Variants in EIF4A3 observed in about 807,000 individuals in gnomAD.
EIF4A3 encodes eukaryotic translation initiation factor 4A3.
Under a neutral mutation model 55.6 loss-of-function variants are expected in EIF4A3, and 1 was observed. That is an observed-to-expected ratio of 0.02 (90% CI 0.01 to 0.09). The LOEUF is 0.09. Ranked by LOEUF, EIF4A3 falls within the 10% of genes least tolerant of loss-of-function variation. The probability of loss-of-function intolerance (pLI) is 1.00; values close to 1 mark genes in which losing one functional copy is unlikely to be tolerated. For missense variants in EIF4A3, 221 were observed against 540.7 expected (o/e 0.41, Z 5.86); for synonymous variants, 194 against 196.3 (o/e 0.99, Z 0.10).
At chr17:80,135,926 A>C (rs1249298423) in intron 11 of EIF4A3, 78 bp downstream of exon 11, 2 of 1,552,822 alleles carry the variant, frequency 1.3e-6, no homozygotes, top group Non-Finnish European at 1.7e-6. Flanking sequence ...ACAACAACAA[A>C]AAAACAAACT....
At position 80,134,384 on chromosome 17, in the gene EIF4A3, T is replaced by A. The variant is rs1436960161; in HGVS notation, c.*1106A>T. On this transcript the variant is annotated 3_prime_UTR_variant, in exon 12 of 12. Coordinates refer to ENST00000649764, the MANE Select transcript of EIF4A3 (RefSeq NM_014740.4). The stretch of plus-strand genomic sequence containing the variant: ...ACTTTAAATATTTCAACAGATAACT[T>A]AAATACTTTAATAATTTAAATATTT... 6.6e-6 allele frequency among the ~76,000 whole-genome samples: 1 copy of A among 152,078 alleles called. No homozygotes were observed. The highest frequency in any genetic ancestry group is 1.5e-5 in the Non-Finnish European group (1 of 68,034).
chr17:80,141,944 T>A (rs2039622229), intron 2 of EIF4A3, 96 bp from the exon 3 acceptor site: 1 of 959,946 alleles, frequency 1.0e-6, no homozygotes, highest in African/African-American at 1.6e-5. Flanking sequence ...TTAGGTACCT[T>A]CTTCCAGCAA....
At chr17:80,137,730 G>A (rs2039584756) in intron 8 of EIF4A3, 2 of 507,268 alleles carry the variant, frequency 3.9e-6, no homozygotes, top group East Asian at 7.1e-5. Flanking sequence ...CTCTATGGGG[G>A]GAGGGGGCCA....
rs563948820 is a variant in EIF4A3 at position 80,138,797 on chromosome 17, T to C, written c.728+224A>G. ...TATTGGTAGAGATACGGTCTCTATA[T>C]GTTGCCCAGCCTATTTGGTTTTTTA... On this transcript the variant is annotated intron_variant, in intron 7 of 11. Transcript: ENST00000649764. 2.5e-5 allele frequency: 14 copies of C among 568,114 alleles called. No homozygotes were observed. In the East Asian group the frequency reaches 4.5e-4, roughly 18 times the overall value. 35.2% of individuals were successfully genotyped at this position (568,114 alleles called of 1,614,324 possible).
intron 1 of EIF4A3, among the ~76,000 whole-genome samples, chr17:80,144,901 A>C (rs533522101): frequency 6.6e-6 from 1 of 152,350 alleles, no homozygotes; most frequent in South Asian, 2.1e-4. Flanking sequence ...GGCTATTTTG[A>C]AGAAGAACCA....
Position 80,135,736 on chromosome 17 carries a change from A to G in EIF4A3, c.1220-230T>C, listed in dbSNP as rs988682167. On this transcript the variant is annotated intron_variant, in intron 11 of 11. Coordinates refer to ENST00000649764, the MANE Select transcript of EIF4A3 (RefSeq NM_014740.4). Reference sequence around the variant, plus strand: ...CATGGTGAAACCCCGTCTCTACTAAAAATACAAAAATTAGCTGGCTATGGT... The same window carrying G: ...CATGGTGAAACCCCGTCTCTACTAAGAATACAAAAATTAGCTGGCTATGGT... The G allele has an allele frequency of 4.3e-5, 26 of 610,456 alleles. No homozygotes were observed. In the Middle Eastern group the frequency reaches 2.2e-3, roughly 52 times the overall value. The allele number at this position is 610,456 out of a possible 1,614,324, so 37.8% of individuals were successfully genotyped here. A position where few individuals can be genotyped will look rare whatever the true frequency, so the allele number is the denominator to read the frequency against.
chr17:80,141,257 T>C, intron 4 of EIF4A3, 62 bp downstream of exon 4: 1 of 1,511,380 alleles, frequency 6.6e-7, no homozygotes, highest in Non-Finnish European at 9.1e-7. Flanking sequence ...AGTCGGTGTT[T>C]CACAACTAAA....
chr17:80,140,273 T>C, intron 4 of EIF4A3, 133 bp from the exon 5 acceptor site: 1 of 1,148,046 alleles, frequency 8.7e-7, no homozygotes, highest in Non-Finnish European at 1.1e-6. Context: ...AACCACAAAA[T>C]TCTCCTGCTC....
Position 80,146,778 on chromosome 17 carries a change from C to G in EIF4A3, c.169+15G>C. Reference sequence around the variant, plus strand: ...ACTCGCCCCCGGCTGGCCCCCGCGGCCCGCGCCCGCTCACCGTAAGCGTAG... The same window carrying G: ...ACTCGCCCCCGGCTGGCCCCCGCGGGCCGCGCCCGCTCACCGTAAGCGTAG... On this transcript the variant is annotated intron_variant, in intron 1 of 11. Transcript: ENST00000649764. 1.2e-6 allele frequency: 2 copies of G among 1,602,154 alleles called. No individual in the cohort carries two copies. The highest frequency in any genetic ancestry group is 2.2e-5 in the South Asian group (2 of 90,882).
chr17:80,141,874 G>A (rs1311116469), intron 2 of EIF4A3, 26 bp from the exon 3 acceptor site: 1 of 1,608,588 alleles, frequency 6.2e-7, no homozygotes, highest in Non-Finnish European at 8.5e-7. Flanking sequence ...AAAGCAGTGG[G>A]ATTAGAGGGA....
At chr17:80,141,518 T>C (rs1157833199) in intron 3 of EIF4A3, 137 bp from the exon 4 acceptor site, 2 of 999,624 alleles carry the variant, frequency 2.0e-6, no homozygotes, top group African/African-American at 1.6e-5. Flanking sequence ...TTAGCAAATA[T>C]TGTCATTTAA....
In EIF4A3 at chr17:80,141,913, A is replaced by G. The variant is rs1173494202; in HGVS notation, c.243-65T>C. On this transcript the variant is annotated intron_variant, in intron 2 of 11. Transcript: ENST00000649764. ...CAGGCCACGCCACAGCTGCACTCCA[A>G]GGCCTGGGCTCCAGAGGCACTTAGG... is the stretch of plus-strand genomic sequence containing the variant. 5.0e-6 allele frequency: 7 copies of G among 1,387,620 alleles called. No individual in the cohort carries two copies. In the Admixed American group the frequency reaches 8.8e-5, roughly 18 times the overall value. 86.0% of individuals were successfully genotyped at this position (1,387,620 alleles called of 1,614,324 possible).
intron 9 of EIF4A3, 93 bp downstream of exon 9, chr17:80,137,293 G>A (rs543326018): frequency 5.6e-5 from 61 of 1,082,456 alleles, no homozygotes; most frequent in Non-Finnish European, 7.2e-5. Context: ...GCATCCCCCC[G>A]GGTGTGGGGC....
chr17:80,146,663 C>T, intron 1 of EIF4A3, 130 bp downstream of exon 1: 2 of 1,133,752 alleles, frequency 1.8e-6, no homozygotes, highest in Non-Finnish European at 2.4e-6. Flanking sequence ...ACGTCACTGG[C>T]CCCCGAGCCT....
At chr17:80,139,584 G>T in intron 6 of EIF4A3, 86 bp downstream of exon 6, 2 of 1,191,304 alleles carry the variant, frequency 1.7e-6, no homozygotes, top group Non-Finnish European at 2.4e-6. Flanking sequence ...ATTCAGAACA[G>T]TCACTGGCTG....
rs771230686 is a variant in EIF4A3 at position 80,146,940 on chromosome 17, C to T, written c.22G>A (p.Ala8Thr). Residue 8 changes from alanine (A) to threonine (T), a missense_variant, in exon 1 of 12, where the codon GCG becomes ACG. Ala to Thr is a moderately conservative substitution (Grantham distance 58). Around this residue, in one of 4 missense-constraint regions of EIF4A3, gnomAD observed 43 missense variants for 39.1 expected, o/e 1.10. Coordinates refer to ENST00000649764, the MANE Select transcript of EIF4A3 (RefSeq NM_014740.4). Reference sequence around the variant, plus strand: ...CGCTTTCGCGCCGAGCCCGAGGTCGCCATCGTGGCCGTGGTCGCCATGATT... The same window carrying T: ...CGCTTTCGCGCCGAGCCCGAGGTCGTCATCGTGGCCGTGGTCGCCATGATT... MATTATM[A>T]TSGSARKRLL... The T allele has an allele frequency of 6.2e-7, 1 of 1,607,766 alleles. No individual in the cohort carries two copies. Among genetic ancestry groups the T allele is most frequent in the Non-Finnish European group, 8.5e-7 (1 of 1,178,182 alleles).
chr17:80,136,302 C>T lies in EIF4A3; in HGVS notation c.1017G>A (p.Arg339=), dbSNP rs758036323. 6.2e-7 allele frequency: 1 copy of T among 1,614,058 alleles called. No homozygotes were observed. The highest frequency in any genetic ancestry group is 8.5e-7 in the Non-Finnish European group (1 of 1,180,004). Residue 339 remains arginine, a synonymous_variant, in exon 10 of 12, where the codon AGG becomes AGA. Coordinates refer to ENST00000649764, the MANE Select transcript of EIF4A3 (RefSeq NM_014740.4). The stretch of plus-strand genomic sequence containing the variant: ...GGGACACCTGAGGGACATCCAACCC[C>T]CTGGCCCAGACATCTGTAGAAATAA... The part of the protein sequence containing the change: ...RVLISTDVWA[R]GLDVPQVSLI...
intron 8 of EIF4A3, among the ~76,000 whole-genome samples, chr17:80,137,762 A>C (rs568613318): frequency 1.1e-4 from 17 of 152,162 alleles, no homozygotes; most frequent in African/African-American, 3.9e-4. Context: ...TCTCATTTGA[A>C]ATTTGAATTC....
chr17:80,137,299 G>A, intron 9 of EIF4A3, 87 bp downstream of exon 9: 2 of 1,161,976 alleles, frequency 1.7e-6, no homozygotes, highest in South Asian at 1.6e-5. Context: ...CCCCGGGTGT[G>A]GGGCCTGCAC....
Sources: gnomAD v4.1 joint callset for allele counts (sites outside exome capture counted in the v4.1 genomes callset) on GRCh38, gnomAD v4.1.1 for gene constraint, gnomAD v4.1.1 regional missense constraint, MANE v1.5 for transcripts, NCBI Gene and HGNC (gene_info 2026-07-23, HGNC 2026-07-21) for gene names.